ALDH1A2: variants seen among roughly 807,000 people sequenced by gnomAD.
ALDH1A2 encodes the protein retinal dehydrogenase 2.
A neutral mutation model predicts 60.3 loss-of-function variants in ALDH1A2; 27 were observed. That is an observed-to-expected ratio of 0.45 (90% CI 0.33 to 0.62). The LOEUF (loss-of-function observed/expected upper bound fraction) is 0.62. ALDH1A2 is among the 20% of genes least tolerant of loss of function. The probability of loss-of-function intolerance (pLI) is 0.02; values close to 1 mark genes in which losing one functional copy is unlikely to be tolerated. For missense variants in ALDH1A2, 581 were observed against 643.8 expected (o/e 0.90, Z 1.06); for synonymous variants, 289 against 232.4 (o/e 1.24, Z -2.21).
intron 1 of ALDH1A2, among the ~76,000 whole-genome samples, chr15:58,063,083 A>G (rs1229402444): frequency 6.6e-6 from 1 of 152,212 alleles, no homozygotes; most frequent in African/African-American, 2.4e-5. Flanking sequence ...CAAGATCACA[A>G]GTACAAAGTT....
intron 1 of ALDH1A2, among the ~76,000 whole-genome samples, chr15:58,042,216 T>C (rs1896533963): frequency 6.6e-6 from 1 of 151,956 alleles, no homozygotes; most frequent in South Asian, 2.1e-4. Flanking sequence ...ATCTTAGTCA[T>C]CTTTCAAAAC....
chr15:57,964,859 T>A (rs1893842277), intron 8 of ALDH1A2: 1 of 152,288 alleles, frequency 6.6e-6, no homozygotes, highest in Non-Finnish European at 1.5e-5. Context: ...GGAACAGGCA[T>A]AAGGATTCTG....
intron 3 of ALDH1A2, among the ~76,000 whole-genome samples, chr15:58,010,986 C>A (rs1394000000): frequency 6.6e-6 from 1 of 152,146 alleles, no homozygotes; most frequent in Admixed American, 6.6e-5. Flanking sequence ...TATATATGTG[C>A]ATATTCCTGT....
At chr15:58,028,209 A>G (rs931586092) in intron 1 of ALDH1A2, among the ~76,000 whole-genome samples, 3 of 152,238 alleles carry the variant, frequency 2.0e-5, no homozygotes, top group African/African-American at 7.2e-5. Flanking sequence ...CCCTTGGCAG[A>G]AGCTCTAAAA....
chr15:58,053,024 T>C (rs547731713), intron 1 of ALDH1A2, among the ~76,000 whole-genome samples: 2 of 152,282 alleles, frequency 1.3e-5, no homozygotes, highest in Admixed American at 1.3e-4. Flanking sequence ...TATTCATTTA[T>C]TCATTCATCA....
intron 7 of ALDH1A2, among the ~76,000 whole-genome samples, chr15:57,982,745 T>C (rs1403287299): frequency 3.3e-5 from 5 of 152,330 alleles, no homozygotes; most frequent in East Asian, 1.9e-4. Context: ...AATAATATAA[T>C]CTGAAGTGTA....
chr15:57,972,365 G>A (rs2140462268), intron 7 of ALDH1A2, among the ~76,000 whole-genome samples: 1 of 152,258 alleles, frequency 6.6e-6, no homozygotes, highest in South Asian at 2.1e-4. Flanking sequence ...CAACTGCCTT[G>A]TACACTTAGC....
chr15:58,050,530 C>T (rs1177947082), intron 1 of ALDH1A2, among the ~76,000 whole-genome samples: 1 of 151,922 alleles, frequency 6.6e-6, no homozygotes, highest in African/African-American at 2.4e-5. Context: ...TCTGACAATC[C>T]CACCATGTTT....
chr15:57,998,271 G>A (rs1436381266), intron 4 of ALDH1A2, among the ~76,000 whole-genome samples: 2 of 151,958 alleles, frequency 1.3e-5, no homozygotes, highest in Admixed American at 6.6e-5. Context: ...GTCTCTTTTT[G>A]CAGATGACAT....
chr15:57,970,112 C>T lies in ALDH1A2; in HGVS notation c.799-4285G>A, dbSNP rs1015798931. Among the ~76,000 whole-genome samples the T allele has an allele frequency of 5.9e-5, 9 of 152,334 alleles. No homozygotes were observed. In the East Asian group the frequency reaches 1.4e-3, roughly 23 times the overall value. On this transcript the variant is annotated intron_variant, in intron 7 of 12. Coordinates refer to ENST00000249750, the MANE Select transcript of ALDH1A2 (RefSeq NM_003888.4). The stretch of plus-strand genomic sequence containing the variant: ...ACCCTGCTCATTCTGAGAGTCTGTT[C>T]ACAATTCTTGTGTTTTTCTTGCCTT...
At chr15:57,987,835 G>A (rs770061712) in intron 7 of ALDH1A2, among the ~76,000 whole-genome samples, 4 of 147,262 alleles carry the variant, frequency 2.7e-5, no homozygotes, top group Non-Finnish European at 5.9e-5. Flanking sequence ...CAGTGAGCCT[G>A]AGCAACTACT....
chr15:57,955,288 C>G lies in ALDH1A2; in HGVS notation c.1485-19G>C, dbSNP rs1451617552. The G allele has an allele frequency of 1.2e-6, 2 of 1,613,850 alleles. No homozygotes were observed. Among genetic ancestry groups the G allele is most frequent in the South Asian group, 2.2e-5 (2 of 91,070 alleles). ...TTCTCCCCTGAAACACAGAAATGGGCCGGGTCAGATACCAGAAGTCCAGGG... is the reference window on the plus strand; with the variant it reads ...TTCTCCCCTGAAACACAGAAATGGGGCGGGTCAGATACCAGAAGTCCAGGG... On this transcript the variant is annotated intron_variant, in intron 12 of 12. Transcript: ENST00000249750.
chr15:58,049,774 G>T (rs1197101310), intron 1 of ALDH1A2, among the ~76,000 whole-genome samples: 2 of 152,124 alleles, frequency 1.3e-5, no homozygotes, highest in African/African-American at 4.8e-5. Context: ...CTGAACAGCG[G>T]TGTGGGAAAT....
chr15:58,065,355 G>A (rs1233165014), intron 1 of ALDH1A2, 179 bp downstream of exon 1: 5 of 690,680 alleles, frequency 7.2e-6, no homozygotes, highest in East Asian at 2.7e-5. Flanking sequence ...GACCACGGCG[G>A]GGCTTCAAAC....
intron 1 of ALDH1A2, among the ~76,000 whole-genome samples, chr15:58,042,056 G>A (rs1896530745): frequency 6.6e-6 from 1 of 151,824 alleles, no homozygotes. Context: ...ATGATTTTTG[G>A]CGAGACACAA....
At chr15:58,062,443 C>T (rs1223108414) in intron 1 of ALDH1A2, among the ~76,000 whole-genome samples, 3 of 152,154 alleles carry the variant, frequency 2.0e-5, no homozygotes, top group Non-Finnish European at 2.9e-5. Context: ...CAGTCAGGGG[C>T]GGTCAGTAAA....
intron 1 of ALDH1A2, among the ~76,000 whole-genome samples, chr15:58,034,566 T>C (rs1339728630): frequency 2.0e-5 from 3 of 151,680 alleles, no homozygotes; most frequent in African/African-American, 7.3e-5. Flanking sequence ...GCATCTAGTT[T>C]CTCACCATTA....
chr15:58,015,212 T>C (rs1895756967), intron 1 of ALDH1A2, among the ~76,000 whole-genome samples: 1 of 152,214 alleles, frequency 6.6e-6, no homozygotes, highest in Admixed American at 6.5e-5. Context: ...TCATCTAATT[T>C]AGGACAAAAA....
chr15:57,959,120 G>C (rs186087728), intron 12 of ALDH1A2, among the ~76,000 whole-genome samples: 3 of 152,240 alleles, frequency 2.0e-5, no homozygotes, highest in Admixed American at 2.0e-4. Context: ...CCTGGGATTA[G>C]GGTCCATCAA....
Sources: allele counts gnomAD v4.1 joint callset (sites outside exome capture counted in the v4.1 genomes callset), GRCh38; gene constraint gnomAD v4.1.1; transcripts MANE v1.5; gene names NCBI Gene and HGNC (gene_info 2026-07-23, HGNC 2026-07-21).